Variants in NLRP11 observed in about 807,000 individuals in gnomAD.
The protein encoded by NLRP11 is NLR family pyrin domain containing 11.
Under a neutral mutation model 79.3 loss-of-function variants are expected in NLRP11, and 53 were observed. The ratio of observed to expected loss-of-function variants is 0.67; its 90% CI spans 0.54 to 0.84. The LOEUF (loss-of-function observed/expected upper bound fraction) is 0.84, where lower values mean the gene tolerates loss of function less well. NLRP11 is among the 40% of genes least tolerant of loss of function. NLRP11 has a pLI of 0.00. For synonymous variants in NLRP11, 518 were observed against 462.6 expected, an observed-to-expected ratio of 1.12 and a Z score of -1.54; for missense variants, 1,264 against 1,255.0, an observed-to-expected ratio of 1.01 and a Z score of -0.11.
chr19:55,820,659 T>C (rs374670244), intron 1 of NLRP11, among the ~76,000 whole-genome samples: 2 of 151,782 alleles, frequency 1.3e-5, no homozygotes, highest in East Asian at 1.9e-4. Flanking sequence ...TTCGAAAACT[T>C]AGTTTTTCAA....
rs531296245 is a variant in NLRP11 at position 55,819,456 on chromosome 19, C to A, written c.-62-1220G>T. Among the ~76,000 whole-genome samples the A allele has an allele frequency of 3.3e-5, 5 of 152,226 alleles. No homozygotes were observed. The South Asian group carries it at 8.3e-4, about 25-fold the overall frequency. Reference sequence around the variant, plus strand: ...GTCTAATCCTGGTATCATTACACTCCGTCACGAGAAGTTGAGATTGCCGAG... The same window carrying A: ...GTCTAATCCTGGTATCATTACACTCAGTCACGAGAAGTTGAGATTGCCGAG... On this transcript the variant is annotated intron_variant, in intron 1 of 9. Coordinates refer to ENST00000589093, the Ensembl canonical transcript of NLRP11.
chr19:55,803,949 G>A (rs1979729430), intron 4 of NLRP11, among the ~76,000 whole-genome samples: 1 of 152,180 alleles, frequency 6.6e-6, no homozygotes, highest in African/African-American at 2.4e-5. Context: ...CAGCTTGGTG[G>A]TGCATGTCTG....
In NLRP11 at chr19:55,793,988, C is replaced by A. The variant is rs141064763; in HGVS notation, c.2343-1517G>T. On this transcript the variant is annotated intron_variant, in intron 6 of 9. Coordinates refer to ENST00000589093, the Ensembl canonical transcript of NLRP11. ...AATTTGGCCTTTTACAGGTGTTTTC[C>A]TCAGACTACTGTGATTTCTTTCACG... Among the ~76,000 whole-genome samples, 13 of 152,264 alleles carry A rather than the reference C, an allele frequency of 8.5e-5. No individual in the cohort carries two copies. The East Asian group carries it at 2.5e-3, about 29-fold the overall frequency.
intron 7 of NLRP11, 51 bp from the exon 8 acceptor site, chr19:55,789,450 T>G: frequency 6.5e-7 from 1 of 1,526,736 alleles, no homozygotes. Flanking sequence ...CTCCAAAGAT[T>G]TATTTCACAG....
chr19:55,798,114 C>G (rs1979119991), intron 5 of NLRP11: 1 of 153,148 alleles, frequency 6.5e-6, no homozygotes, highest in Non-Finnish European at 1.4e-5. Flanking sequence ...ATTCTCCTGC[C>G]TGAGACTCCC....
intron 4 of NLRP11, among the ~76,000 whole-genome samples, chr19:55,804,182 G>A (rs55953859): frequency 0.077 from 11,791 of 152,180 alleles, 575 homozygotes; most frequent in African/African-American, 0.14. Context: ...AAATTAATTC[G>A]ACCATTGCGG....
exon 7 of NLRP11, chr19:55,792,329 A>G: frequency 6.2e-7 from 1 of 1,614,178 alleles, no homozygotes; most frequent in Non-Finnish European, 8.5e-7. Context: ...CAGGTTGGAA[A>G]CAGCAAGGGA....
chr19:55,809,544 C>T lies in NLRP11; in HGVS notation c.1066G>A (p.Gly356Arg). The stretch of plus-strand genomic sequence containing the variant: ...TGGCAGCAGAGCTGGAAGTCACGCC[C>T]CTTGTCCATCTGCCGCTTCAGGACA... Residue 356 changes from glycine (G) to arginine (R), a missense_variant, in exon 3 of 10, where the codon GGG becomes AGG. Coordinates refer to ENST00000589093, the Ensembl canonical transcript of NLRP11. This position sits in a 1 kb window ranked among gnomAD's most constrained non-coding sequence, Gnocchi z 4.5. The T allele has an allele frequency of 4.3e-6, 7 of 1,614,156 alleles. No homozygotes were observed. The highest frequency in any genetic ancestry group is 5.9e-6 in the Non-Finnish European group (7 of 1,180,034).
intron 4 of NLRP11, among the ~76,000 whole-genome samples, chr19:55,801,965 C>A (rs1208787761): frequency 6.6e-6 from 1 of 152,144 alleles, no homozygotes; most frequent in African/African-American, 2.4e-5. Context: ...GGTGTGTTCA[C>A]CTCATGACCT....
intron 1 of NLRP11, among the ~76,000 whole-genome samples, chr19:55,824,092 G>C (rs1417947502): frequency 1.8e-5 from 2 of 113,756 alleles, no homozygotes; most frequent in Non-Finnish European, 3.4e-5. Context: ...AGCCAGAAGA[G>C]AGTGGGGGCC....
chr19:55,803,207 C>T (rs553571921), intron 4 of NLRP11, among the ~76,000 whole-genome samples: 15 of 152,116 alleles, frequency 9.9e-5, no homozygotes, highest in African/African-American at 1.4e-4. Context: ...ATTAGCTGGG[C>T]GTGGTGGCGG....
At chr19:55,806,183 A>C (rs1979972514) in intron 4 of NLRP11, among the ~76,000 whole-genome samples, 1 of 152,258 alleles carries the variant, frequency 6.6e-6, no homozygotes, top group Non-Finnish European at 1.5e-5. Context: ...CTTCCTGAGC[A>C]ACATTCCTAT....
rs144741765 is a variant in NLRP11, at chr19:55,785,885, G to C, written c.2856-14C>G. Reference sequence around the variant, plus strand: ...GTTAATGGAAGCCTGAAGGAAAACAGAGAGAGAACGCCGTTAATGCTACAT... The same window carrying C: ...GTTAATGGAAGCCTGAAGGAAAACACAGAGAGAACGCCGTTAATGCTACAT... On this transcript the variant is annotated splice_polypyrimidine_tract_variant and intron_variant, in intron 9 of 9. Transcript: ENST00000589093. 6.2e-7 allele frequency: 1 copy of C among 1,608,532 alleles called. No homozygotes were observed. The highest frequency in any genetic ancestry group is 1.3e-5 in the African/African-American group (1 of 74,488).
chr19:55,821,812 T>G (rs1410896229), intron 1 of NLRP11, among the ~76,000 whole-genome samples: 1 of 152,156 alleles, frequency 6.6e-6, no homozygotes, highest in East Asian at 1.9e-4. Flanking sequence ...GAGAACTGCT[T>G]TCAGGTCTAA....
chr19:55,830,617 G>GAAA (rs1982660295), intron 1 of NLRP11, among the ~76,000 whole-genome samples: 20 of 104,316 alleles, frequency 1.9e-4, no homozygotes, highest in African/African-American at 9.6e-4. Flanking sequence ...AAAAAAAAAT[G>GAAA]CAACGTTGAG....
At chr19:55,801,795 C>T in intron 4 of NLRP11, 56 bp from the exon 5 acceptor site, 1 of 1,445,400 alleles carries the variant, frequency 6.9e-7, no homozygotes, top group Non-Finnish European at 9.7e-7. Flanking sequence ...ATCTTCTCCA[C>T]AATTTCTCCT....
upstream of NLRP11, among the ~76,000 whole-genome samples, chr19:55,833,922 T>C (rs1209258762): frequency 1.3e-5 from 2 of 151,408 alleles, no homozygotes; most frequent in African/African-American, 4.9e-5. Context: ...ATTCATTAAA[T>C]GGAGCTGGTG....
chr19:55,835,550 A>C (rs1371088901), upstream of NLRP11, among the ~76,000 whole-genome samples: 1 of 124,818 alleles, frequency 8.0e-6, no homozygotes, highest in East Asian at 2.3e-4. Context: ...AAAATACAAA[A>C]ATTAGCCGAG....
exon 3 of NLRP11, chr19:55,808,785 T>C: frequency 1.2e-6 from 2 of 1,609,642 alleles, no homozygotes; most frequent in Admixed American, 1.7e-5. Flanking sequence ...GTTGGCCTTA[T>C]AAGTGGCTCT....
Sources: allele counts gnomAD v4.1 joint callset (sites outside exome capture counted in the v4.1 genomes callset), GRCh38; gene constraint gnomAD v4.1.1; non-coding constraint Gnocchi (gnomAD v3.1); transcripts MANE v1.5; gene names NCBI Gene and HGNC (gene_info 2026-07-23, HGNC 2026-07-21).